Variants in ROR2 observed in about 807,000 individuals in gnomAD.
ROR2 encodes ROR family WNT receptor 2.
A neutral mutation model predicts 74.9 loss-of-function variants in ROR2; 33 were observed. The ratio of observed to expected loss-of-function variants is 0.44; its 90% CI spans 0.33 to 0.59. ROR2 has a LOEUF of 0.59. ROR2 is among the 20% of genes least tolerant of loss of function. The pLI is 0.02. For synonymous variants in ROR2, 586 were observed against 558.7 expected (o/e 1.05, Z -0.69); for missense variants, 1,216 against 1,313.8 (o/e 0.93, Z 1.15).
chr9:91,825,925 C>CT (rs1192251998), intron 1 of ROR2, among the ~76,000 whole-genome samples: 1 of 152,204 alleles, frequency 6.6e-6, no homozygotes, highest in East Asian at 1.9e-4. Flanking sequence ...CAATGAAAAG[C>CT]TTTAATGCTG....
intron 1 of ROR2, among the ~76,000 whole-genome samples, chr9:91,945,079 C>CAAA (rs57240443): frequency 8.4e-6 from 1 of 118,400 alleles, no homozygotes. Context: ...GACCTTAACT[C>CAAA]AAAAAAAAAA....
Position 91,731,116 on chromosome 9 carries a change from C to G in ROR2, c.977G>C (p.Gly326Ala). ...GCCTGACTTGGTGGTGCTTGCCGTTCCTCTGTAATCCATGCCTGAGCCGTT... is the reference window on the plus strand; with the variant it reads ...GCCTGACTTGGTGGTGCTTGCCGTTGCTCTGTAATCCATGCCTGAGCCGTT... Reference protein sequence around the residue: ...CYNGSGMDYRGTASTTKSGHQ... With the variant: ...CYNGSGMDYRATASTTKSGHQ... Residue 326 changes from glycine (G) to alanine (A), a missense_variant, in exon 7 of 9, where the codon GGA becomes GCA. By Grantham distance (60) the Gly-to-Ala change is moderately conservative. Transcript: ENST00000375708. 1.2e-6 allele frequency: 2 copies of G among 1,614,078 alleles called. No homozygotes were observed. The highest frequency in any genetic ancestry group is 1.7e-6 in the Non-Finnish European group (2 of 1,180,026).
intron 1 of ROR2, among the ~76,000 whole-genome samples, chr9:91,889,907 A>C (rs1343305664): frequency 6.6e-6 from 1 of 152,230 alleles, no homozygotes; most frequent in African/African-American, 2.4e-5. Context: ...GCTTCGGCCC[A>C]TAAGAACAGT....
intron 1 of ROR2, among the ~76,000 whole-genome samples, chr9:91,777,210 A>G (rs150076293): frequency 0.012 from 1,795 of 152,326 alleles, 22 homozygotes; most frequent in Non-Finnish European, 0.019. Context: ...GCAGCCTTCT[A>G]AAGTCAATAA....
intron 1 of ROR2, among the ~76,000 whole-genome samples, chr9:91,844,190 G>A (rs1372340990): frequency 2.6e-5 from 4 of 152,166 alleles, no homozygotes; most frequent in South Asian, 2.1e-4. Flanking sequence ...GTTCCCTACC[G>A]TTTCTTAAAG....
At chr9:91,745,614 T>C (rs1390375505) in intron 4 of ROR2, among the ~76,000 whole-genome samples, 5 of 151,436 alleles carry the variant, frequency 3.3e-5, no homozygotes, top group African/African-American at 1.2e-4. Context: ...TTAGTAGGGA[T>C]GGGGTTTCAC....
rs1016037707 is a variant in ROR2 at position 91,783,527 on chromosome 9, G to A, written c.98-7709C>T. 3.2e-4 allele frequency among the ~76,000 whole-genome samples: 48 copies of A among 152,204 alleles called. 1 individual carries two copies. The highest frequency in any genetic ancestry group is 1.6e-4 in the Non-Finnish European group (11 of 68,002). On this transcript the variant is annotated intron_variant, in intron 1 of 8. Coordinates refer to ENST00000375708, the MANE Select transcript of ROR2 (RefSeq NM_004560.4). ...TTCTGAGGCCAACTCTCACTTATAT[G>A]GAAGCCACCTCCAACCCTCACAGCC...
intron 1 of ROR2, among the ~76,000 whole-genome samples, chr9:91,909,286 G>A (rs1830893654): frequency 6.6e-6 from 1 of 152,078 alleles, no homozygotes; most frequent in Non-Finnish European, 1.5e-5. Flanking sequence ...TTGGAAAGAG[G>A]AGCTTTTTTA....
In ROR2 at chr9:91,934,766, AAG is replaced by A. The variant is rs1390615577; in HGVS notation, c.97+15099_97+15100del. Among the ~76,000 whole-genome samples, 11 of 152,340 alleles carry A rather than the reference AAG, an allele frequency of 7.2e-5. No homozygotes were observed. In the East Asian group the frequency reaches 1.5e-3, roughly 21 times the overall value. Reference sequence around the variant, plus strand: ...TTTAGAAAACAGCAACAACAACAAAAAGAGAGTACGTGAACCTTATTTGAACT... The same window carrying A: ...TTTAGAAAACAGCAACAACAACAAAAAGAGTACGTGAACCTTATTTGAACT... On this transcript the variant is annotated intron_variant, in intron 1 of 8. Coordinates refer to ENST00000375708, the MANE Select transcript of ROR2 (RefSeq NM_004560.4).
intron 1 of ROR2, among the ~76,000 whole-genome samples, chr9:91,792,689 T>G (rs1023470538): frequency 6.6e-6 from 1 of 152,098 alleles, no homozygotes; most frequent in Non-Finnish European, 1.5e-5. Flanking sequence ...ATTAAGAATA[T>G]TAAGAATGAA....
intron 1 of ROR2, among the ~76,000 whole-genome samples, chr9:91,922,322 T>C (rs1471731382): frequency 6.6e-6 from 1 of 152,158 alleles, no homozygotes; most frequent in African/African-American, 2.4e-5. Context: ...AATTGAAGAC[T>C]TGTGAATGAA....
chr9:91,922,802 G>A (rs1029045247), intron 1 of ROR2, among the ~76,000 whole-genome samples: 10 of 152,064 alleles, frequency 6.6e-5, no homozygotes, highest in African/African-American at 1.9e-4. Flanking sequence ...AAAACCTGTC[G>A]ACTCCTCAGT....
In ROR2 at chr9:91,949,911, A is replaced by G. The variant is rs1020302893; in HGVS notation, c.53T>C (p.Val18Ala). 1.3e-6 allele frequency: 2 copies of G among 1,537,718 alleles called. No individual in the cohort carries two copies. Among genetic ancestry groups the G allele is most frequent in the Non-Finnish European group, 1.8e-6 (2 of 1,141,908 alleles). Residue 18 changes from valine to alanine, a missense_variant, in exon 1 of 9, where the codon GTC becomes GCC. Physicochemically the swap from Val to Ala is moderately conservative, Grantham distance 64. Transcript: ENST00000375708. ...GAGCAGAAGCGCGGCGGCCGCCCAGACGGCCGGGATGCACAGCAGCGGCCG... is the reference window on the plus strand; with the variant it reads ...GAGCAGAAGCGCGGCGGCCGCCCAGGCGGCCGGGATGCACAGCAGCGGCCG... ...PRRPLLCIPA[V>A]WAAAALLLSV... is the part of the protein sequence containing the mutation.
At chr9:91,747,364 C>T (rs1158855391) in intron 4 of ROR2, among the ~76,000 whole-genome samples, 3 of 152,214 alleles carry the variant, frequency 2.0e-5, no homozygotes, top group South Asian at 2.1e-4. Flanking sequence ...CACATCACAG[C>T]GCTCACGCGT....
chr9:91,738,005 G>C (rs1483485556), intron 4 of ROR2, among the ~76,000 whole-genome samples: 1 of 152,160 alleles, frequency 6.6e-6, no homozygotes, highest in Non-Finnish European at 1.5e-5. Flanking sequence ...ATGAGGGAGG[G>C]AGGGATGGAT....
chr9:91,880,368 T>C (rs1830075027), intron 1 of ROR2, among the ~76,000 whole-genome samples: 1 of 152,222 alleles, frequency 6.6e-6, no homozygotes, highest in Non-Finnish European at 1.5e-5. Flanking sequence ...ACAGCAGTCC[T>C]AGCAAACTAA....
chr9:91,861,033 G>A (rs891750149), intron 1 of ROR2, among the ~76,000 whole-genome samples: 1 of 152,078 alleles, frequency 6.6e-6, no homozygotes, highest in African/African-American at 2.4e-5. Flanking sequence ...TATTACTTAG[G>A]AAGAAATTTA....
chr9:91,788,768 G>A (rs747807827), intron 1 of ROR2, among the ~76,000 whole-genome samples: 1 of 151,840 alleles, frequency 6.6e-6, no homozygotes, highest in Non-Finnish European at 1.5e-5. Flanking sequence ...AGGAGGCTGA[G>A]GTGGAGAATC....
chr9:91,815,316 T>C (rs892618028), intron 1 of ROR2, among the ~76,000 whole-genome samples: 2 of 152,232 alleles, frequency 1.3e-5, no homozygotes, highest in African/African-American at 4.8e-5. Flanking sequence ...TTTTCTCTTA[T>C]GATCAGTTAT....
Sources: allele counts gnomAD v4.1 joint callset (sites outside exome capture counted in the v4.1 genomes callset), GRCh38; gene constraint gnomAD v4.1.1; transcripts MANE v1.5; gene names NCBI Gene and HGNC (gene_info 2026-07-23, HGNC 2026-07-21).